ZMAT4: variants seen among roughly 807,000 people sequenced by gnomAD.
ZMAT4 encodes zinc finger matrin-type 4, also known as zinc finger matrin-type protein 4.
ZMAT4 carries 17 observed loss-of-function variants against 28.7 expected under a neutral mutation model. The observed-to-expected ratio is 0.59, with a 90% CI of 0.41 to 0.89. ZMAT4 has a LOEUF of 0.89. ZMAT4 is among the 40% of genes least tolerant of loss of function. ZMAT4 has a pLI of 0.00. For missense variants in ZMAT4, 240 were observed against 283.8 expected, an observed-to-expected ratio of 0.85 and a Z score of 1.11; for synonymous variants, 117 against 109.2, an observed-to-expected ratio of 1.07 and a Z score of -0.44.
intron 1 of ZMAT4, among the ~76,000 whole-genome samples, chr8:40,883,043 T>C (rs995142226): frequency 6.6e-6 from 1 of 152,104 alleles, no homozygotes; most frequent in Non-Finnish European, 1.5e-5. Flanking sequence ...TCAGAGAAAT[T>C]GACAGACCCA....
intron 6 of ZMAT4, among the ~76,000 whole-genome samples, chr8:40,574,245 A>G (rs1318972564): frequency 1.3e-5 from 2 of 152,170 alleles, no homozygotes; most frequent in East Asian, 3.9e-4. Context: ...AATATCAGAA[A>G]GGGTATACTT....
intron 4 of ZMAT4, 34 bp from the exon 5 acceptor site, chr8:40,674,965 C>T (rs759492696): frequency 5.1e-6 from 8 of 1,561,916 alleles, no homozygotes; most frequent in Admixed American, 3.4e-5. Flanking sequence ...ACCACAGCCA[C>T]GTTAGTCCAA....
chr8:40,726,982 C>A (rs1249785320), intron 3 of ZMAT4, among the ~76,000 whole-genome samples: 1 of 152,158 alleles, frequency 6.6e-6, no homozygotes, highest in Non-Finnish European at 1.5e-5. Flanking sequence ...TAAAACCACC[C>A]TAAGTCATCG....
intron 6 of ZMAT4, among the ~76,000 whole-genome samples, chr8:40,577,918 A>G (rs1212759326): frequency 1.3e-5 from 2 of 152,042 alleles, no homozygotes; most frequent in African/African-American, 4.8e-5. Flanking sequence ...AGAACTCTAG[A>G]AAACACTATT....
At chr8:40,707,755 T>A (rs1450606743) in intron 3 of ZMAT4, among the ~76,000 whole-genome samples, 1 of 152,218 alleles carries the variant, frequency 6.6e-6, no homozygotes, top group Admixed American at 6.5e-5. Flanking sequence ...TTGACTTATA[T>A]TTGATGTTTT....
intron 3 of ZMAT4, among the ~76,000 whole-genome samples, chr8:40,720,239 C>T (rs1811022105): frequency 6.6e-6 from 1 of 152,150 alleles, no homozygotes; most frequent in Non-Finnish European, 1.5e-5. Flanking sequence ...CACTATTGAT[C>T]TTATTAACCA....
chr8:40,607,876 G>A (rs1409951413), intron 5 of ZMAT4, among the ~76,000 whole-genome samples: 1 of 152,124 alleles, frequency 6.6e-6, no homozygotes, highest in Non-Finnish European at 1.5e-5. Flanking sequence ...GTCCTGGGAT[G>A]TGATTTCTCT....
At chr8:40,697,129 A>G in intron 4 of ZMAT4, 116 bp downstream of exon 4, 2 of 1,241,768 alleles carry the variant, frequency 1.6e-6, no homozygotes, top group Non-Finnish European at 2.2e-6. Context: ...GCTTTGAATG[A>G]CGTCTACCAT....
intron 6 of ZMAT4, among the ~76,000 whole-genome samples, chr8:40,549,625 A>G (rs1373317803): frequency 6.6e-6 from 1 of 152,156 alleles, no homozygotes; most frequent in Non-Finnish European, 1.5e-5. Flanking sequence ...CTTTTCAAAT[A>G]CTTTTTTAGC....
At chr8:40,790,002 C>T (rs1001876091) in intron 2 of ZMAT4, among the ~76,000 whole-genome samples, 17 of 152,294 alleles carry the variant, frequency 1.1e-4, no homozygotes, top group South Asian at 2.1e-4. Context: ...GTTAACCCAC[C>T]TAAAGCTTCC....
chr8:40,848,954 C>T (rs528105395), intron 1 of ZMAT4, among the ~76,000 whole-genome samples: 1 of 152,370 alleles, frequency 6.6e-6, no homozygotes, highest in East Asian at 1.9e-4. Context: ...ACTCCAGACT[C>T]AGCAGCAAGG....
intron 2 of ZMAT4, among the ~76,000 whole-genome samples, chr8:40,805,826 T>C (rs1815062456): frequency 6.7e-6 from 1 of 149,328 alleles, no homozygotes; most frequent in South Asian, 2.2e-4. Context: ...CATTGGGAGA[T>C]ATACCTAATG....
At chr8:40,786,530 A>T (rs1199512001) in intron 2 of ZMAT4, among the ~76,000 whole-genome samples, 1 of 152,194 alleles carries the variant, frequency 6.6e-6, no homozygotes, top group Non-Finnish European at 1.5e-5. Context: ...CTCCTTAAGT[A>T]ATCTGGAATG....
chr8:40,569,314 G>T (rs1405077646), intron 6 of ZMAT4, among the ~76,000 whole-genome samples: 2 of 152,016 alleles, frequency 1.3e-5, no homozygotes, highest in African/African-American at 4.8e-5. Context: ...TCAATTGCCG[G>T]GTATTCCACA....
chr8:40,749,890 G>C (rs1812387291), intron 3 of ZMAT4, among the ~76,000 whole-genome samples: 1 of 152,192 alleles, frequency 6.6e-6, no homozygotes, highest in Non-Finnish European at 1.5e-5. Flanking sequence ...ACACAGCAAT[G>C]CTTACATGAT....
intron 2 of ZMAT4, among the ~76,000 whole-genome samples, chr8:40,815,131 C>T (rs746874129): frequency 2.6e-5 from 4 of 151,988 alleles, no homozygotes; most frequent in Admixed American, 1.3e-4. Flanking sequence ...AAAAATTAGC[C>T]GGGTGTGGTG....
chr8:40,661,944 A>C (rs900365870), intron 5 of ZMAT4, among the ~76,000 whole-genome samples: 1 of 152,150 alleles, frequency 6.6e-6, no homozygotes, highest in Admixed American at 6.5e-5. Flanking sequence ...CAATGTAGAC[A>C]AAATTGGTAA....
intron 3 of ZMAT4, among the ~76,000 whole-genome samples, chr8:40,761,704 A>C (rs28550016): frequency 0.22 from 33,568 of 152,126 alleles, 3,883 homozygotes; most frequent in Non-Finnish European, 0.25. Context: ...GTAGAAGCTC[A>C]GTAGAAATTG....
chr8:40,852,689 T>A (rs527576772), intron 1 of ZMAT4, among the ~76,000 whole-genome samples: 1 of 152,368 alleles, frequency 6.6e-6, no homozygotes, highest in South Asian at 2.1e-4. Flanking sequence ...AAACTTCTTT[T>A]GGTGTATCTT....
Sources: gnomAD v4.1 joint callset for allele counts (sites outside exome capture counted in the v4.1 genomes callset) on GRCh38, gnomAD v4.1.1 for gene constraint, MANE v1.5 for transcripts, NCBI Gene and HGNC (gene_info 2026-07-23, HGNC 2026-07-21) for gene names.